CASK: variants seen among roughly 807,000 people sequenced by gnomAD.
The protein encoded by CASK is peripheral plasma membrane protein CASK.
In CASK, 4 loss-of-function variants were observed where a neutral mutation model predicts 82.9. That is an observed-to-expected ratio of 0.05 (90% CI 0.02 to 0.11). The LOEUF (loss-of-function observed/expected upper bound fraction) is 0.11. Ranked by LOEUF, CASK falls within the 10% of genes least tolerant of loss-of-function variation. The pLI, the probability that CASK is intolerant of heterozygous loss-of-function variation, is 1.00. For synonymous variants in CASK, 259 were observed against 253.5 expected (o/e 1.02, Z -0.20); for missense variants, 358 against 720.9 (o/e 0.50, Z 5.76).
At chrX:41,752,143 G>A (rs1352256306) in intron 3 of CASK, among the ~76,000 whole-genome samples, 2 of 110,045 alleles carry the variant, frequency 1.8e-5, no homozygotes, top group Admixed American at 9.7e-5. Flanking sequence ...TGCAAGAAAC[G>A]AGTACTCAGA....
intron 10 of CASK, among the ~76,000 whole-genome samples, chrX:41,623,686 A>G: frequency 8.9e-6 from 1 of 111,849 alleles, no homozygotes; most frequent in East Asian, 2.8e-4. Context: ...TGCTGGGATT[A>G]CAGGCATGAG....
intron 2 of CASK, among the ~76,000 whole-genome samples, chrX:41,787,550 C>CAAAAAA (rs778064917): frequency 2.5e-5 from 1 of 39,721 alleles, no homozygotes; most frequent in Non-Finnish European, 5.1e-5. Context: ...TCCCCAAAAG[C>CAAAAAA]AAAAAAAAAA....
intron 3 of CASK, 86 bp from the exon 4 acceptor site, chrX:41,745,687 T>C: frequency 3.2e-6 from 2 of 621,260 alleles, no homozygotes; most frequent in African/African-American, 2.2e-5. Context: ...AACTAAGTTA[T>C]TAGTTGATTT....
chrX:41,888,335 T>G (rs2072085219), intron 1 of CASK, among the ~76,000 whole-genome samples: 1 of 110,940 alleles, frequency 9.0e-6, no homozygotes, highest in African/African-American at 3.3e-5. Context: ...TTCATTTATT[T>G]TTTTTTTATT....
intron 1 of CASK, among the ~76,000 whole-genome samples, chrX:41,899,070 A>G (rs2072321801): frequency 9.0e-6 from 1 of 111,244 alleles, no homozygotes; most frequent in African/African-American, 3.3e-5. Context: ...TTCTATTAAT[A>G]TTTGCTTTAT....
chrX:41,582,426 C>T (rs2065594175), intron 14 of CASK, among the ~76,000 whole-genome samples: 1 of 111,595 alleles, frequency 9.0e-6, no homozygotes, highest in African/African-American at 3.3e-5. Flanking sequence ...AGAGATTCTC[C>T]TGCCTCAGCC....
intron 5 of CASK, chrX:41,689,875 A>T (rs1156287456): frequency 1.8e-5 from 2 of 111,731 alleles, no homozygotes; most frequent in East Asian, 5.6e-4. Context: ...TTTCACAAAC[A>T]TACCCAAACT....
At chrX:41,665,523 T>C in intron 6 of CASK, 71 bp from the exon 7 acceptor site, 1 of 813,823 alleles carries the variant, frequency 1.2e-6, no homozygotes, top group Non-Finnish European at 1.8e-6. Flanking sequence ...CTAAAAATAA[T>C]AGAACAATAA....
intron 2 of CASK, among the ~76,000 whole-genome samples, chrX:41,822,557 CAAAAAAAAAAA>C (rs61374081): frequency 5.9e-5 from 3 of 50,678 alleles, no homozygotes; most frequent in Admixed American, 3.2e-4. Context: ...GACTCCGTCT[CAAAAAAAAAAA>C]AAAAAAAAAA....
intron 5 of CASK, among the ~76,000 whole-genome samples, chrX:41,717,115 G>C (rs1163245495): frequency 9.0e-6 from 1 of 110,599 alleles, no homozygotes; most frequent in African/African-American, 3.3e-5. Context: ...CTTCAAATTA[G>C]CCAACCAAGA....
chrX:41,862,478 T>C (rs1202438064), intron 1 of CASK, among the ~76,000 whole-genome samples: 4 of 101,940 alleles, frequency 3.9e-5, no homozygotes, highest in Non-Finnish European at 5.9e-5. Flanking sequence ...AAGGCGGAGG[T>C]TGCAGTGAGC....
intron 8 of CASK, among the ~76,000 whole-genome samples, chrX:41,640,734 T>C (rs2066634216): frequency 9.0e-6 from 1 of 111,611 alleles, no homozygotes; most frequent in South Asian, 3.7e-4. Flanking sequence ...TTCTTATTAT[T>C]GAGTTTTGAG....
intron 5 of CASK, among the ~76,000 whole-genome samples, chrX:41,699,908 T>G (rs1569406633): frequency 9.0e-6 from 1 of 111,632 alleles, no homozygotes; most frequent in Non-Finnish European, 1.9e-5. Flanking sequence ...CATTTCTTAC[T>G]AAGCATTAGT....
chrX:41,738,592 A>G (rs183839236), intron 5 of CASK, among the ~76,000 whole-genome samples: 5 of 112,464 alleles, frequency 4.4e-5, no homozygotes, highest in African/African-American at 1.6e-4. Context: ...AATACATCGA[A>G]GAAGCCAGGC....
At chrX:41,687,761 C>G (rs770514534) in intron 5 of CASK, among the ~76,000 whole-genome samples, 3 of 109,911 alleles carry the variant, frequency 2.7e-5, no homozygotes, top group Admixed American at 9.8e-5. Flanking sequence ...GAGTTTGAAA[C>G]TAGCCTGGCC....
chrX:41,669,186 A>G (rs986044893), intron 6 of CASK, among the ~76,000 whole-genome samples: 1 of 112,083 alleles, frequency 8.9e-6, no homozygotes, highest in East Asian at 2.8e-4. Flanking sequence ...TATTTTGACC[A>G]TCAGGAAGTA....
intron 1 of CASK, among the ~76,000 whole-genome samples, chrX:41,864,420 T>A (rs2071551332): frequency 8.9e-6 from 1 of 111,794 alleles, no homozygotes; most frequent in African/African-American, 3.3e-5. Context: ...CGTACTCATA[T>A]TACACATTAG....
intron 2 of CASK, among the ~76,000 whole-genome samples, chrX:41,830,872 T>C (rs1416706126): frequency 9.5e-6 from 1 of 104,781 alleles, no homozygotes; most frequent in Non-Finnish European, 2.0e-5. Context: ...ATTAGAATAA[T>C]GTGTTTTTAT....
At chrX:41,612,935 C>G (rs1417762163) in intron 11 of CASK, among the ~76,000 whole-genome samples, 1 of 102,859 alleles carries the variant, frequency 9.7e-6, no homozygotes, top group Non-Finnish European at 2.0e-5. Flanking sequence ...TGAGGGGCGC[C>G]TCTGCCTGGC....
Sources: allele counts gnomAD v4.1 joint callset (sites outside exome capture counted in the v4.1 genomes callset), GRCh38; gene constraint gnomAD v4.1.1; transcripts MANE v1.5; gene names NCBI Gene and HGNC (gene_info 2026-07-23, HGNC 2026-07-21).